The following KCNIP4 variants were observed in gnomAD, a reference collection of about 807,000 sequenced individuals.
KCNIP4 encodes the protein potassium voltage-gated channel interacting protein 4, also known as Kv channel-interacting protein 4.
Under a neutral mutation model 34.0 loss-of-function variants are expected in KCNIP4, and 12 were observed. The ratio of observed to expected loss-of-function variants is 0.35; its 90% confidence interval spans 0.23 to 0.57. KCNIP4 has a LOEUF of 0.57. Ranked by LOEUF, KCNIP4 falls within the 20% of genes least tolerant of loss-of-function variation. The pLI is 0.83. For missense variants in KCNIP4, 238 were observed against 311.7 expected, an observed-to-expected ratio of 0.76 and a Z score of 1.78; for synonymous variants, 124 against 102.2, an observed-to-expected ratio of 1.21 and a Z score of -1.29.
intron 1 of KCNIP4, among the ~76,000 whole-genome samples, chr4:20,945,409 C>T (rs1026148548): frequency 6.6e-6 from 1 of 152,182 alleles, no homozygotes; most frequent in Non-Finnish European, 1.5e-5. Flanking sequence ...ATCTTGAAAT[C>T]TTCTGGGCCT....
intron 3 of KCNIP4, among the ~76,000 whole-genome samples, chr4:20,833,618 G>A (rs184210366): frequency 2.6e-5 from 4 of 151,950 alleles, no homozygotes; most frequent in Non-Finnish European, 2.9e-5. Context: ...TTTCTAACAC[G>A]GTATTTCATA....
chr4:21,573,509 T>C (rs1577620128), intron 1 of KCNIP4, among the ~76,000 whole-genome samples: 1 of 152,046 alleles, frequency 6.6e-6, no homozygotes, highest in South Asian at 2.1e-4. Flanking sequence ...TTCCTTGGGA[T>C]TTATTTTTTT....
chr4:20,948,386 A>AG (rs1732420055), intron 1 of KCNIP4, among the ~76,000 whole-genome samples: 1 of 152,240 alleles, frequency 6.6e-6, no homozygotes, highest in Non-Finnish European at 1.5e-5. Flanking sequence ...CCTGAGTCAA[A>AG]TACCAGGCTG....
At chr4:21,534,160 G>T (rs182055883) in intron 1 of KCNIP4, among the ~76,000 whole-genome samples, 1 of 152,252 alleles carries the variant, frequency 6.6e-6, no homozygotes, top group Admixed American at 6.5e-5. Flanking sequence ...GGTGTCAAAT[G>T]CACATAAAAC....
chr4:21,146,649 G>A (rs1045184509), intron 1 of KCNIP4, among the ~76,000 whole-genome samples: 4 of 152,050 alleles, frequency 2.6e-5, no homozygotes, highest in East Asian at 3.9e-4. Flanking sequence ...TGTTATCAGC[G>A]GTGTGTGTTT....
At chr4:21,188,736 G>A (rs1755423271) in intron 1 of KCNIP4, among the ~76,000 whole-genome samples, 1 of 152,048 alleles carries the variant, frequency 6.6e-6, no homozygotes, top group African/African-American at 2.4e-5. Context: ...GTAGCATCCC[G>A]AAGGAAACTT....
intron 1 of KCNIP4, among the ~76,000 whole-genome samples, chr4:21,323,251 C>A (rs1714691157): frequency 6.6e-6 from 1 of 150,910 alleles, no homozygotes; most frequent in Non-Finnish European, 1.5e-5. Context: ...AAGCTTTTAT[C>A]CTTTCTTTGT....
At chr4:21,615,357 G>C (rs1429257427) in intron 1 of KCNIP4, among the ~76,000 whole-genome samples, 1 of 150,538 alleles carries the variant, frequency 6.6e-6, no homozygotes, top group East Asian at 2.0e-4. Flanking sequence ...TGGCTAACAC[G>C]GTGAAACCCC....
Position 21,700,126 on chromosome 4 carries a change from G to A in KCNIP4, c.61+248445C>T, listed in dbSNP as rs147065724. Among the ~76,000 whole-genome samples the A allele has an allele frequency of 1.7e-3, 265 of 152,264 alleles. 2 individuals are homozygous for A. Among genetic ancestry groups the A allele is most frequent in the African/African-American group, 5.8e-3 (240 of 41,554 alleles). ...AGAAATACTATGGGATTGCTGGATC[G>A]TATGATAATTGAGTTTTTTGAGATA... On this transcript the variant is annotated intron_variant, in intron 1 of 8. Transcript: ENST00000382152.
chr4:21,710,563 G>A (rs1438722363), intron 1 of KCNIP4, among the ~76,000 whole-genome samples: 1 of 152,120 alleles, frequency 6.6e-6, no homozygotes, highest in Non-Finnish European at 1.5e-5. Flanking sequence ...AATGCATGCT[G>A]CAAATTCATA....
intron 5 of KCNIP4, among the ~76,000 whole-genome samples, chr4:20,738,621 TC>T (rs1560415765): frequency 1.3e-5 from 2 of 151,962 alleles, no homozygotes; most frequent in South Asian, 4.1e-4. Context: ...TTTTGGGGAA[TC>T]CCCCCAAGAT....
At chr4:20,863,325 G>A (rs1407421247) in intron 2 of KCNIP4, among the ~76,000 whole-genome samples, 1 of 152,068 alleles carries the variant, frequency 6.6e-6, no homozygotes, top group Non-Finnish European at 1.5e-5. Context: ...TGGGATCTCA[G>A]AAATGGTTGA....
At chr4:21,697,365 C>G in intron 1 of KCNIP4, 1 of 1,510,352 alleles carries the variant, frequency 6.6e-7, no homozygotes, top group Non-Finnish European at 8.8e-7. Flanking sequence ...TGAAGAGAAC[C>G]TGTTAATAGT....
chr4:21,157,497 G>C (rs1753228845), intron 1 of KCNIP4, among the ~76,000 whole-genome samples: 1 of 151,940 alleles, frequency 6.6e-6, no homozygotes, highest in South Asian at 2.1e-4. Context: ...AATAGTTTAG[G>C]AAACACTGGC....
At chr4:20,779,584 C>CA (rs1400493410) in intron 3 of KCNIP4, among the ~76,000 whole-genome samples, 4 of 134,326 alleles carry the variant, frequency 3.0e-5, no homozygotes, top group African/African-American at 1.1e-4. Flanking sequence ...CAACCCCCCC[C>CA]CCCCACACAA....
At chr4:21,758,054 A>G (rs577781742) in intron 1 of KCNIP4, among the ~76,000 whole-genome samples, 74 of 152,360 alleles carry the variant, frequency 4.9e-4, no homozygotes, top group African/African-American at 1.8e-3. Flanking sequence ...AAATAAATTT[A>G]GAAAATGCAT....
At chr4:20,852,201 G>C (rs1275250291) in intron 2 of KCNIP4, among the ~76,000 whole-genome samples, 1 of 152,112 alleles carries the variant, frequency 6.6e-6, no homozygotes, top group Non-Finnish European at 1.5e-5. Context: ...TGATATCCTT[G>C]ATGAACATAG....
intron 1 of KCNIP4, among the ~76,000 whole-genome samples, chr4:21,135,721 T>C (rs900126551): frequency 2.6e-5 from 4 of 152,312 alleles, no homozygotes; most frequent in Non-Finnish European, 4.4e-5. Context: ...GTGTCCTTCA[T>C]GAGCAGCACA....
chr4:21,106,299 AG>A (rs1748526719), intron 1 of KCNIP4, among the ~76,000 whole-genome samples: 1 of 151,692 alleles, frequency 6.6e-6, no homozygotes, highest in Admixed American at 6.5e-5. Flanking sequence ...TCAGAGATTC[AG>A]CCTCTTCCTC....
Sources: gnomAD v4.1 joint callset for allele counts (sites outside exome capture counted in the v4.1 genomes callset) on GRCh38, gnomAD v4.1.1 for gene constraint, MANE v1.5 for transcripts, NCBI Gene and HGNC (gene_info 2026-07-23, HGNC 2026-07-21) for gene names.